Variants in SDK1 observed in about 807,000 individuals in gnomAD.
SDK1 encodes sidekick cell adhesion molecule 1.
In SDK1, 157 loss-of-function variants were observed where a neutral mutation model predicts 245.5. The ratio of observed to expected loss-of-function variants is 0.64; its 90% CI spans 0.56 to 0.73. The LOEUF is 0.73. Among genes scored for constraint, SDK1 ranks in the 30% least tolerant of loss-of-function variants. The pLI, the probability that SDK1 is intolerant of heterozygous loss-of-function variation, is 0.00. For missense variants in SDK1, 3,583 were observed against 3,002.3 expected (o/e 1.19, Z -4.52); for synonymous variants, 1,647 against 1,278.5 (o/e 1.29, Z -6.15).
At chr7:4,133,811 A>G (rs989016471) in intron 28 of SDK1, among the ~76,000 whole-genome samples, 6 of 152,138 alleles carry the variant, frequency 3.9e-5, no homozygotes, top group Non-Finnish European at 5.9e-5. Context: ...AGCTCTCGGG[A>G]TATTGCCATA....
chr7:4,179,417 G>A (rs929736511), intron 35 of SDK1, among the ~76,000 whole-genome samples: 15 of 152,142 alleles, frequency 9.9e-5, no homozygotes, highest in South Asian at 2.1e-4. Context: ...GGGGCGGCTC[G>A]GACTGCGGGG....
intron 1 of SDK1, among the ~76,000 whole-genome samples, chr7:3,365,465 A>G (rs749448162): frequency 9.2e-5 from 14 of 152,170 alleles, no homozygotes; most frequent in Admixed American, 6.5e-4. Flanking sequence ...AATGTTTTCA[A>G]TTCAAATTTA....
chr7:4,035,308 TTTGG>T (rs750184934), intron 17 of SDK1, among the ~76,000 whole-genome samples: 4 of 152,146 alleles, frequency 2.6e-5, no homozygotes, highest in Non-Finnish European at 5.9e-5. Context: ...TTTTTAAGCC[TTTGG>T]AAAAGAAATT....
intron 1 of SDK1, among the ~76,000 whole-genome samples, chr7:3,544,541 C>T (rs950923070): frequency 6.6e-5 from 10 of 152,200 alleles, no homozygotes; most frequent in African/African-American, 2.4e-4. Context: ...CCTAATGATG[C>T]CCCAAAGTAG....
chr7:3,534,396 T>C (rs1778808839), intron 1 of SDK1, among the ~76,000 whole-genome samples: 1 of 152,224 alleles, frequency 6.6e-6, no homozygotes, highest in Non-Finnish European at 1.5e-5. Context: ...TTTGGGTACA[T>C]ATCTGGAAGT....
chr7:3,961,074 C>T (rs1263595877), intron 8 of SDK1, among the ~76,000 whole-genome samples: 1 of 152,216 alleles, frequency 6.6e-6, no homozygotes, highest in Non-Finnish European at 1.5e-5. Flanking sequence ...ACGACTTCTG[C>T]AGGGTAAACT....
rs143848734 is a variant in SDK1, at chr7:4,127,772, C to G, written c.3939+276C>G. ...CTGACCTCCGGGCCTGCGCCTGACT[C>G]TGCCCTCGCTGGCCTCAGTGCCGCG... is the stretch of plus-strand genomic sequence containing the variant. On this transcript the variant is annotated intron_variant, in intron 26 of 44. Coordinates refer to ENST00000404826, the MANE Select transcript of SDK1 (RefSeq NM_152744.4). Among the ~76,000 whole-genome samples the G allele has an allele frequency of 5.6e-4, 85 of 152,398 alleles. No homozygotes were observed. In the Middle Eastern group the frequency reaches 0.01, roughly 18 times the overall value.
chr7:3,924,000 A>G (rs1779683757), intron 5 of SDK1, among the ~76,000 whole-genome samples: 1 of 151,634 alleles, frequency 6.6e-6, no homozygotes, highest in African/African-American at 2.4e-5. Flanking sequence ...AATGCAGACT[A>G]TTTCCCTACT....
intron 1 of SDK1, among the ~76,000 whole-genome samples, chr7:3,509,105 T>G (rs545255620): frequency 6.6e-6 from 1 of 152,120 alleles, no homozygotes; most frequent in East Asian, 1.9e-4. Flanking sequence ...TGTGTATGTA[T>G]GTACATGCGT....
chr7:3,303,680 G>C (rs1434017447), intron 1 of SDK1, among the ~76,000 whole-genome samples: 1 of 152,096 alleles, frequency 6.6e-6, no homozygotes, highest in African/African-American at 2.4e-5. Context: ...ATTTCAGATA[G>C]GTTGTCACAA....
chr7:4,227,143 A>G (rs1172718260), intron 40 of SDK1: 1 of 287,674 alleles, frequency 3.5e-6, no homozygotes, highest in Non-Finnish European at 6.8e-6. Flanking sequence ...GTGAGTAAGG[A>G]AGAAAATCAG....
chr7:3,442,721 A>G (rs1054928143), intron 1 of SDK1, among the ~76,000 whole-genome samples: 5 of 152,060 alleles, frequency 3.3e-5, no homozygotes, highest in Admixed American at 2.0e-4. Flanking sequence ...AGTGCACTTG[A>G]TATGTTTTGT....
At chr7:3,954,691 C>T (rs1014388077) in intron 7 of SDK1, among the ~76,000 whole-genome samples, 6 of 148,164 alleles carry the variant, frequency 4.0e-5, no homozygotes, top group African/African-American at 1.5e-4. Context: ...TACACTGCAC[C>T]ATTCATGGGC....
At chr7:4,126,010 C>T (rs2128196267) in intron 25 of SDK1, among the ~76,000 whole-genome samples, 1 of 152,316 alleles carries the variant, frequency 6.6e-6, no homozygotes, top group South Asian at 2.1e-4. Flanking sequence ...GAGACTTTGC[C>T]ACCAAACAGT....
Position 3,580,994 on chromosome 7 carries a change from A to C in SDK1, c.299-38086A>C, listed in dbSNP as rs1164522395. 2.8e-5 allele frequency among the ~76,000 whole-genome samples: 3 copies of C among 107,238 alleles called. No homozygotes were observed. In the East Asian group the frequency reaches 9.4e-4, roughly 33 times the overall value. The allele number at this position is 107,238 out of a possible 152,430, so 70.4% of individuals were successfully genotyped here. A position where few individuals can be genotyped will look rare whatever the true frequency, so the allele number is the denominator to read the frequency against. ...AAAAAAAAAAAAAAAAAAAAAAAAA[A>C]CCAAAACAAAACCCTGGAAGACAAT... On this transcript the variant is annotated intron_variant, in intron 1 of 44. Transcript: ENST00000404826.
At chr7:3,554,052 T>A (rs1779507189) in intron 1 of SDK1, among the ~76,000 whole-genome samples, 1 of 152,152 alleles carries the variant, frequency 6.6e-6, no homozygotes, top group African/African-American at 2.4e-5. Flanking sequence ...GGTGACTGCC[T>A]AGACAGGAAA....
intron 1 of SDK1, among the ~76,000 whole-genome samples, chr7:3,436,857 C>T (rs556332129): frequency 6.6e-6 from 1 of 152,126 alleles, no homozygotes; most frequent in Non-Finnish European, 1.5e-5. Context: ...CTCGTCTACC[C>T]TCCCCAAGAA....
chr7:3,751,000 C>G (rs1341287723), intron 4 of SDK1, among the ~76,000 whole-genome samples: 1 of 152,168 alleles, frequency 6.6e-6, no homozygotes, highest in Non-Finnish European at 1.5e-5. Context: ...TGAGAACTGT[C>G]TTTTTCCTTC....
intron 17 of SDK1, among the ~76,000 whole-genome samples, chr7:4,042,323 G>A (rs7786018): frequency 0.11 from 14,634 of 134,790 alleles, 4,840 homozygotes; most frequent in African/African-American, 0.39. Context: ...ACATATTTCC[G>A]TGGGATATAA....
Sources: allele counts gnomAD v4.1 joint callset (sites outside exome capture counted in the v4.1 genomes callset), GRCh38; gene constraint gnomAD v4.1.1; transcripts MANE v1.5; gene names NCBI Gene and HGNC (gene_info 2026-07-23, HGNC 2026-07-21).